ABI1: variants seen among roughly 807,000 people sequenced by gnomAD.
ABI1 encodes the protein Abelson interactor 1.
A neutral mutation model predicts 54.6 loss-of-function variants in ABI1; 14 were observed. The ratio of observed to expected loss-of-function variants is 0.26; its 90% confidence interval spans 0.17 to 0.40. The LOEUF (loss-of-function observed/expected upper bound fraction) is 0.40, where lower values mean the gene tolerates loss of function less well. Ranked by LOEUF, ABI1 falls within the 10% of genes least tolerant of loss-of-function variation. The probability of loss-of-function intolerance (pLI) is 1.00; values close to 1 mark genes in which losing one functional copy is unlikely to be tolerated. For missense variants in ABI1, 443 were observed against 598.3 expected, an observed-to-expected ratio of 0.74 and a Z score of 2.71; for synonymous variants, 194 against 209.3, an observed-to-expected ratio of 0.93 and a Z score of 0.63.
intron 2 of ABI1, among the ~76,000 whole-genome samples, chr10:26,802,470 T>A (rs1588922315): frequency 2.0e-5 from 3 of 152,132 alleles, no homozygotes; most frequent in South Asian, 2.1e-4. Flanking sequence ...GGCAATTGTT[T>A]GAGAGAGAGA....
chr10:26,782,245 CA>C (rs1842202990), intron 2 of ABI1, among the ~76,000 whole-genome samples: 1 of 152,102 alleles, frequency 6.6e-6, no homozygotes, highest in Non-Finnish European at 1.5e-5. Context: ...CCTTTTATCA[CA>C]AAAGTCACTC....
Position 26,755,636 on chromosome 10 carries a change from TCA to T in ABI1, c.1084+17_1084+18del. 6.3e-7 allele frequency: 1 copy of T among 1,591,538 alleles called. No individual in the cohort carries two copies. On this transcript the variant is annotated intron_variant, in intron 9 of 10. Transcript: ENST00000376140. The stretch of plus-strand genomic sequence containing the variant: ...GAGACAGCCTCTACTCTTCCATAGC[TCA>T]GTTTTTCCAAACTTACTGTTTTCCT...
intron 2 of ABI1, among the ~76,000 whole-genome samples, chr10:26,777,642 G>A (rs1220391389): frequency 6.6e-6 from 1 of 152,128 alleles, no homozygotes; most frequent in African/African-American, 2.4e-5. Flanking sequence ...AGGCATGGTG[G>A]CATGTGCCTG....
rs138628155 is a variant in ABI1 at position 26,816,839 on chromosome 10, A to G, written c.285+6299T>C. ...GTTTTGTATACCTTGAGCATGCATC[A>G]CCATTTTTTATAATCTCCAATAACC... On this transcript the variant is annotated intron_variant, in intron 2 of 10. Coordinates refer to ENST00000376140, the MANE Select transcript of ABI1 (RefSeq NM_001012750.3). 4.3e-3 allele frequency among the ~76,000 whole-genome samples: 652 copies of G among 152,296 alleles called. 4 individuals are homozygous for G. Among genetic ancestry groups the G allele is most frequent in the African/African-American group, 0.015 (611 of 41,556 alleles).
Position 26,860,629 on chromosome 10 carries a change from G to C in ABI1, c.117+118C>G. The C allele has an allele frequency of 1.3e-6, 1 of 781,254 alleles. No individual in the cohort carries two copies. The highest frequency in any genetic ancestry group is 1.5e-5 in the South Asian group (1 of 66,274). The allele number at this position is 781,254 out of a possible 1,614,324, so 48.4% of individuals were successfully genotyped here. A position where few individuals can be genotyped will look rare whatever the true frequency, so the allele number is the denominator to read the frequency against. On this transcript the variant is annotated intron_variant, in intron 1 of 10. Transcript: ENST00000376140. The surrounding 1 kb of genome is among the most constrained non-coding windows in gnomAD (Gnocchi z 4.1). ...GGGGCTGGGGTTGGGGCTGCGGTAGGGGCTCGGGTTGGTGGCAGCCGCTGA... is the reference window on the plus strand; with the variant it reads ...GGGGCTGGGGTTGGGGCTGCGGTAGCGGCTCGGGTTGGTGGCAGCCGCTGA...
intron 1 of ABI1, among the ~76,000 whole-genome samples, chr10:26,829,364 G>T (rs905794703): frequency 2.6e-5 from 4 of 152,130 alleles, no homozygotes; most frequent in Non-Finnish European, 5.9e-5. Context: ...GTATAGTGAT[G>T]CACCTAAAAC....
chr10:26,808,780 T>C (rs1180648268), intron 2 of ABI1, among the ~76,000 whole-genome samples: 3 of 151,596 alleles, frequency 2.0e-5, no homozygotes, highest in Non-Finnish European at 2.9e-5. Context: ...ATTCTAACTA[T>C]GGATTTCACA....
chr10:26,832,246 C>T (rs530483181), intron 1 of ABI1, among the ~76,000 whole-genome samples: 7 of 152,226 alleles, frequency 4.6e-5, no homozygotes, highest in South Asian at 2.1e-4. Context: ...TCATGAAATA[C>T]AGTATATAAG....
At chr10:26,859,148 G>T (rs1466908539) in intron 1 of ABI1, among the ~76,000 whole-genome samples, 3 of 151,536 alleles carry the variant, frequency 2.0e-5, no homozygotes, top group Non-Finnish European at 4.4e-5. Flanking sequence ...AAAGTTTTTC[G>T]AAGGGCTAAA....
intron 2 of ABI1, chr10:26,790,652 T>C (rs1843314222): frequency 6.6e-6 from 1 of 152,196 alleles, no homozygotes; most frequent in African/African-American, 2.4e-5. Flanking sequence ...ACCACTTATG[T>C]TGTATTTTTA....
chr10:26,758,982 C>T, intron 8 of ABI1, 80 bp downstream of exon 8: 2 of 1,352,032 alleles, frequency 1.5e-6, no homozygotes, highest in Non-Finnish European at 2.0e-6. Context: ...TTGTCTATCA[C>T]TGGCAAGAAT....
intron 2 of ABI1, among the ~76,000 whole-genome samples, chr10:26,800,957 G>T (rs7092950): frequency 0.23 from 35,182 of 152,168 alleles, 4,620 homozygotes; most frequent in African/African-American, 0.35. Flanking sequence ...GGTGAGCCGA[G>T]ATTGTGCCAT....
At chr10:26,765,130 T>A (rs1839763713) in intron 7 of ABI1, 88 bp downstream of exon 7, 1 of 885,890 alleles carries the variant, frequency 1.1e-6, no homozygotes, top group Admixed American at 3.0e-5. Flanking sequence ...TTAATAATTT[T>A]ACTCAATATG....
At chr10:26,815,024 C>T (rs377662624) in intron 2 of ABI1, among the ~76,000 whole-genome samples, 1 of 152,022 alleles carries the variant, frequency 6.6e-6, no homozygotes, top group African/African-American at 2.4e-5. Flanking sequence ...AGAATTTTAA[C>T]TAAAAACACA....
At chr10:26,797,902 A>G (rs1333048768) in intron 2 of ABI1, among the ~76,000 whole-genome samples, 1 of 152,224 alleles carries the variant, frequency 6.6e-6, no homozygotes, top group Non-Finnish European at 1.5e-5. Flanking sequence ...ATGTCTTGTT[A>G]AAGTCATTAT....
intron 1 of ABI1, among the ~76,000 whole-genome samples, chr10:26,843,748 T>G (rs1417706693): frequency 6.6e-6 from 1 of 150,470 alleles, no homozygotes; most frequent in African/African-American, 2.4e-5. Context: ...GTAGGATGGG[T>G]GGAAGAAATA....
intron 10 of ABI1, among the ~76,000 whole-genome samples, chr10:26,750,850 G>C (rs1269406468): frequency 6.6e-6 from 1 of 151,980 alleles, no homozygotes; most frequent in African/African-American, 2.4e-5. Context: ...GTGAATATCG[G>C]GTACTATAGG....
rs925075724 is a variant in ABI1 at position 26,763,907 on chromosome 10, G to A, written c.820+1311C>T. ...ATCACAGTGCTCACTGGGAGAAGTG[G>A]TGCCAGAGGTGGTGCTGGTGGAGCT... On this transcript the variant is annotated intron_variant, in intron 7 of 10. Transcript: ENST00000376140. 1.9e-6 allele frequency: 3 copies of A among 1,613,324 alleles called. No individual in the cohort carries two copies. The highest frequency in any genetic ancestry group is 1.7e-4 in the Middle Eastern group (1 of 6,056).
chr10:26,753,142 G>A (rs538607606), intron 9 of ABI1, among the ~76,000 whole-genome samples: 1 of 152,184 alleles, frequency 6.6e-6, no homozygotes, highest in African/African-American at 2.4e-5. Context: ...CCACTTCAAT[G>A]CTGTGATTTC....
Sources: allele counts gnomAD v4.1 joint callset (sites outside exome capture counted in the v4.1 genomes callset), GRCh38; gene constraint gnomAD v4.1.1; non-coding constraint Gnocchi (gnomAD v3.1); transcripts MANE v1.5; gene names NCBI Gene and HGNC (gene_info 2026-07-23, HGNC 2026-07-21).